Variants in ELMO1 observed in about 807,000 individuals in gnomAD.
The protein encoded by ELMO1 is engulfment and cell motility 1.
Under a neutral mutation model 98.9 loss-of-function variants are expected in ELMO1, and 26 were observed. That is an observed-to-expected ratio of 0.26 (90% CI 0.19 to 0.36). The LOEUF (loss-of-function observed/expected upper bound fraction) is 0.36. Ranked by LOEUF, ELMO1 falls within the 10% of genes least tolerant of loss-of-function variation. ELMO1 has a pLI of 1.00. For synonymous variants in ELMO1, 346 were observed against 346.0 expected (o/e 1.00, Z 0.00); for missense variants, 627 against 935.2 (o/e 0.67, Z 4.30).
chr7:37,088,270 C>A (rs575338021), intron 15 of ELMO1, among the ~76,000 whole-genome samples: 4 of 152,280 alleles, frequency 2.6e-5, no homozygotes, highest in Admixed American at 2.0e-4. Context: ...TTTAGTTGCT[C>A]TCTGTAACCA....
At chr7:37,126,329 A>ATATATATATATATATATAT (rs1563019733) in intron 14 of ELMO1, among the ~76,000 whole-genome samples, 1 of 142,408 alleles carries the variant, frequency 7.0e-6, no homozygotes. Flanking sequence ...ATATATATAT[A>ATATATATATATATATATAT]AAAGAAAAGA....
At chr7:37,406,606 A>AT (rs914312651) in intron 1 of ELMO1, among the ~76,000 whole-genome samples, 57 of 144,170 alleles carry the variant, frequency 4.0e-4, no homozygotes, top group Middle Eastern at 7.0e-3. Flanking sequence ...ATTTTTTTGT[A>AT]TTTTTTTTTT....
At chr7:37,057,119 G>A (rs1796427400) in intron 15 of ELMO1, among the ~76,000 whole-genome samples, 1 of 152,122 alleles carries the variant, frequency 6.6e-6, no homozygotes, top group African/African-American at 2.4e-5. Context: ...CATGTAACCA[G>A]ACAGAAATAA....
chr7:37,414,012 A>G (rs1452608163), intron 1 of ELMO1, among the ~76,000 whole-genome samples: 1 of 152,160 alleles, frequency 6.6e-6, no homozygotes, highest in East Asian at 1.9e-4. Flanking sequence ...GAAACTGTGA[A>G]GTAGCAAAGT....
chr7:37,160,939 T>A lies in ELMO1; in HGVS notation c.1087-27705A>T, dbSNP rs1789160429. Among the ~76,000 whole-genome samples, 3 of 152,116 alleles carry A rather than the reference T, an allele frequency of 2.0e-5. No individual in the cohort carries two copies. The South Asian group carries it at 6.2e-4, about 32-fold the overall frequency. ...ACCAACCTGGGTTCCAATGCAAGCT[T>A]CAATATCAGTTGATACTCTTAGAAG... On this transcript the variant is annotated intron_variant, in intron 13 of 21. Transcript: ENST00000310758.
intron 13 of ELMO1, among the ~76,000 whole-genome samples, chr7:37,200,772 C>T (rs1049838285): frequency 6.6e-6 from 1 of 152,106 alleles, no homozygotes; most frequent in Admixed American, 6.5e-5. Flanking sequence ...TTGAGACCAG[C>T]CTGGGCAACA....
intron 15 of ELMO1, among the ~76,000 whole-genome samples, chr7:37,089,551 T>C (rs1783961516): frequency 6.6e-6 from 1 of 152,222 alleles, no homozygotes; most frequent in African/African-American, 2.4e-5. Flanking sequence ...AAAAGGACAG[T>C]AATGCAGTGG....
rs373731223 is a variant in ELMO1, at chr7:37,096,741, G to A, written c.1192-14C>T. ...CTCAAGCACAATCTGTAATGGGAAA[G>A]GGAACAGATTAGAAAGGAAATTCAA... On this transcript the variant is annotated splice_polypyrimidine_tract_variant and intron_variant, in intron 14 of 21. Coordinates refer to ENST00000310758, the MANE Select transcript of ELMO1 (RefSeq NM_014800.11). 6.2e-7 allele frequency: 1 copy of A among 1,606,192 alleles called. No homozygotes were observed. Among genetic ancestry groups the A allele is most frequent in the African/African-American group, 1.3e-5 (1 of 74,896 alleles).
intron 9 of ELMO1, among the ~76,000 whole-genome samples, chr7:37,223,437 G>A (rs1793706458): frequency 6.6e-6 from 1 of 152,200 alleles, no homozygotes; most frequent in South Asian, 2.1e-4. Context: ...CCTTGGACAA[G>A]TTCATGAGTA....
chr7:37,115,862 T>C (rs917262767), intron 14 of ELMO1, among the ~76,000 whole-genome samples: 4 of 152,172 alleles, frequency 2.6e-5, no homozygotes, highest in East Asian at 1.9e-4. Flanking sequence ...ATACATAAAA[T>C]CTTGGAACTA....
chr7:37,175,765 T>C (rs987445016), intron 13 of ELMO1, among the ~76,000 whole-genome samples: 4 of 152,178 alleles, frequency 2.6e-5, no homozygotes, highest in Non-Finnish European at 4.4e-5. Context: ...CAGAATCACT[T>C]GAACCCAGGA....
At chr7:37,234,062 T>A (rs889070602) in intron 7 of ELMO1, among the ~76,000 whole-genome samples, 1 of 152,226 alleles carries the variant, frequency 6.6e-6, no homozygotes, top group African/African-American at 2.4e-5. Flanking sequence ...ACACAGAATC[T>A]TTCATAGATA....
chr7:36,875,956 C>T (rs1000433852), intron 19 of ELMO1, among the ~76,000 whole-genome samples: 2 of 152,136 alleles, frequency 1.3e-5, no homozygotes, highest in African/African-American at 4.8e-5. Context: ...AACACTATGT[C>T]CTGTTAGTGG....
chr7:37,115,283 A>C (rs1785514275), intron 14 of ELMO1, among the ~76,000 whole-genome samples: 2 of 152,192 alleles, frequency 1.3e-5, no homozygotes, highest in Non-Finnish European at 1.5e-5. Flanking sequence ...CCAAAACCAA[A>C]GGCATAAGAA....
intron 8 of ELMO1, 139 bp from the exon 9 acceptor site, chr7:37,225,169 G>A: frequency 2.2e-6 from 2 of 908,250 alleles, no homozygotes; most frequent in African/African-American, 1.7e-5. Context: ...CAGCAAAATA[G>A]CAAGAAACCC....
chr7:36,911,595 A>G (rs896499446), intron 16 of ELMO1, among the ~76,000 whole-genome samples: 1 of 152,214 alleles, frequency 6.6e-6, no homozygotes, highest in Non-Finnish European at 1.5e-5. Flanking sequence ...GGTGAAACTC[A>G]AAGCACAGAG....
intron 16 of ELMO1, among the ~76,000 whole-genome samples, chr7:37,012,013 A>C (rs1266849630): frequency 6.6e-6 from 1 of 152,162 alleles, no homozygotes; most frequent in Non-Finnish European, 1.5e-5. Flanking sequence ...CTGCTCAGAC[A>C]CATGACAGCT....
At chr7:37,293,217 G>A (rs1281489732) in intron 4 of ELMO1, among the ~76,000 whole-genome samples, 2 of 128,154 alleles carry the variant, frequency 1.6e-5, no homozygotes, top group Admixed American at 1.5e-4. Flanking sequence ...TCTGGGAGGT[G>A]TACCCAACAG....
chr7:37,064,938 C>T (rs1257491115), intron 15 of ELMO1, among the ~76,000 whole-genome samples: 1 of 152,068 alleles, frequency 6.6e-6, no homozygotes, highest in East Asian at 1.9e-4. Context: ...GTAAATATTC[C>T]CACCATAGCC....
Sources: allele counts gnomAD v4.1 joint callset (sites outside exome capture counted in the v4.1 genomes callset), GRCh38; gene constraint gnomAD v4.1.1; transcripts MANE v1.5; gene names NCBI Gene and HGNC (gene_info 2026-07-23, HGNC 2026-07-21).